Variants in ACY3 observed in about 807,000 individuals in gnomAD.
ACY3 encodes the protein N-acyl-aromatic-L-amino acid amidohydrolase (carboxylate-forming).
Under a neutral mutation model 24.6 loss-of-function variants are expected in ACY3, and 20 were observed. That is an observed-to-expected ratio of 0.81 (90% CI 0.57 to 1.18). The LOEUF (loss-of-function observed/expected upper bound fraction) is 1.18. ACY3 is among the 50% of genes most tolerant of loss of function. The pLI is 0.00. For synonymous variants in ACY3, 174 were observed against 188.4 expected, an observed-to-expected ratio of 0.92 and a Z score of 0.62; for missense variants, 423 against 426.8, an observed-to-expected ratio of 0.99 and a Z score of 0.08.
chr11:67,645,067 G>T lies in ACY3; in HGVS notation c.612C>A (p.Asp204Glu), dbSNP rs1855485009. The T allele has an allele frequency of 1.2e-6, 2 of 1,613,814 alleles. No individual in the cohort carries two copies. The highest frequency in any genetic ancestry group is 2.7e-5 in the African/African-American group (2 of 74,942). Residue 204 changes from aspartate (D) to glutamate (E), a missense_variant, in exon 6 of 8, where the codon GAC (aspartate) becomes GAA (glutamate). Physicochemically the swap from Asp to Glu is conservative, Grantham distance 45. Transcript: ENST00000255082. ...RMRTLVATVL[D>E]FIELFNQGTA... ...CACCCTGGTTGAAGAGTTCGATGAAGTCCAGAACTGTGGCCACCAGGGTCC... is the reference window on the plus strand; with the variant it reads ...CACCCTGGTTGAAGAGTTCGATGAATTCCAGAACTGTGGCCACCAGGGTCC...
chr11:67,648,695 C>G (rs1300106275), intron 1 of ACY3, among the ~76,000 whole-genome samples: 1 of 152,132 alleles, frequency 6.6e-6, no homozygotes, highest in East Asian at 1.9e-4. Context: ...GGCCAGGACC[C>G]TCTAAGTTAC....
intron 1 of ACY3, among the ~76,000 whole-genome samples, chr11:67,648,476 G>A (rs1855557043): frequency 6.6e-6 from 1 of 152,206 alleles, no homozygotes; most frequent in African/African-American, 2.4e-5. Flanking sequence ...TCAGCTGTCT[G>A]CTGGGAGGAG....
intron 1 of ACY3, among the ~76,000 whole-genome samples, chr11:67,649,493 C>CCCTCAG (rs1855577559): frequency 6.6e-6 from 1 of 152,230 alleles, no homozygotes; most frequent in South Asian, 2.1e-4. Flanking sequence ...GGTCCAGGAA[C>CCCTCAG]CCTCAGAAAC....
chr11:67,645,959 G>T, intron 3 of ACY3, 72 bp from the exon 4 acceptor site: 1 of 1,462,126 alleles, frequency 6.8e-7, no homozygotes. Context: ...AGGGGAAAGG[G>T]GCAGGGGCCC....
chr11:67,646,327 T>G (rs114669795), intron 3 of ACY3, among the ~76,000 whole-genome samples: 1,809 of 152,348 alleles, frequency 0.012, 36 homozygotes, highest in African/African-American at 0.042. Context: ...GTTAGCTGCT[T>G]TGTGTAGCCT....
chr11:67,647,166 A>G, intron 2 of ACY3, 103 bp from the exon 3 acceptor site: 1 of 823,832 alleles, frequency 1.2e-6, no homozygotes, highest in Non-Finnish European at 1.8e-6. Context: ...ACCTGTCAAG[A>G]GGTGTGGACA....
rs372622188 is a variant in ACY3, at chr11:67,647,191, A to G, written c.-20-128T>C. On this transcript the variant is annotated intron_variant, in intron 2 of 7. Coordinates refer to ENST00000255082, the MANE Select transcript of ACY3 (RefSeq NM_080658.2). Reference sequence around the variant, plus strand: ...AGGTGTGGACAGCTGGGAGTGTCTCAGCTGTGTCCCACCTGCACCCCCAGT... The same window carrying G: ...AGGTGTGGACAGCTGGGAGTGTCTCGGCTGTGTCCCACCTGCACCCCCAGT... 802 of 643,808 alleles carry G rather than the reference A, an allele frequency of 1.2e-3. 8 individuals are homozygous for G. The African/African-American group carries it at 0.014, about 11-fold the overall frequency. 39.9% of individuals were successfully genotyped at this position (643,808 alleles called of 1,614,324 possible). A position where few individuals can be genotyped will look rare whatever the true frequency, so the allele number is the denominator to read the frequency against.
intron 5 of ACY3, 62 bp from the exon 6 acceptor site, chr11:67,645,214 C>G: frequency 6.2e-7 from 1 of 1,604,892 alleles, no homozygotes; most frequent in South Asian, 1.1e-5. Flanking sequence ...TGAAGAGGCC[C>G]TGCCCCTTGG....
chr11:67,644,611 C>G, intron 7 of ACY3, 149 bp downstream of exon 7: 1 of 728,950 alleles, frequency 1.4e-6, no homozygotes. Context: ...CCCAGCCTCC[C>G]ATCCTGCTCC....
chr11:67,644,730 C>A (rs1204836920), intron 7 of ACY3, 30 bp downstream of exon 7: 1 of 1,335,508 alleles, frequency 7.5e-7, no homozygotes, highest in Admixed American at 2.7e-5. Context: ...AATCACCCCC[C>A]ACCACACACA....
intron 1 of ACY3, among the ~76,000 whole-genome samples, chr11:67,649,378 G>C (rs937902460): frequency 2.0e-5 from 3 of 152,210 alleles, no homozygotes; most frequent in Non-Finnish European, 4.4e-5. Context: ...AAGGTGCTGG[G>C]CCCCCAAGTT....
intron 1 of ACY3, among the ~76,000 whole-genome samples, chr11:67,650,295 A>T (rs969237799): frequency 2.0e-5 from 3 of 152,178 alleles, no homozygotes; most frequent in African/African-American, 7.2e-5. Context: ...TGCAAGATGC[A>T]ATCAGATCAC....
chr11:67,644,786 C>T lies in ACY3; in HGVS notation c.718G>A (p.Ala240Thr). ...DFPRTEAGHL[A>T]GTVHPQLQDR... ...TGCAGCTGAGGATGCACAGTGCCTG[C>T]CAGGTGCCCGGCCTCGGTGCGGGGG... Residue 240 changes from alanine (A) to threonine (T), a missense_variant, in exon 7 of 8, where the codon GCA becomes ACA. By Grantham distance (58) the Ala-to-Thr change is moderately conservative. Transcript: ENST00000255082. The T allele has an allele frequency of 6.4e-7, 1 of 1,558,558 alleles. No individual in the cohort carries two copies. The highest frequency in any genetic ancestry group is 8.7e-7 in the Non-Finnish European group (1 of 1,151,698).
intron 4 of ACY3, 131 bp from the exon 5 acceptor site, chr11:67,645,511 G>A: frequency 8.1e-7 from 1 of 1,240,966 alleles, no homozygotes; most frequent in South Asian, 1.5e-5. Context: ...CTCTGGCAGG[G>A]TAGGGGAGGG....
At chr11:67,648,537 G>A (rs936607213) in intron 1 of ACY3, among the ~76,000 whole-genome samples, 1 of 152,128 alleles carries the variant, frequency 6.6e-6, no homozygotes, top group Non-Finnish European at 1.5e-5. Context: ...GCTCCGCCAG[G>A]GCCTGCTGGA....
chr11:67,646,703 G>T, intron 3 of ACY3, 105 bp downstream of exon 3: 2 of 1,059,048 alleles, frequency 1.9e-6, no homozygotes, highest in Non-Finnish European at 2.8e-6. Flanking sequence ...CAGAGGGGAA[G>T]CAGGAGTGAA....
chr11:67,649,767 ATGTGTGCG>A (rs994240387), intron 1 of ACY3, among the ~76,000 whole-genome samples: 3 of 127,826 alleles, frequency 2.3e-5, no homozygotes, highest in African/African-American at 9.5e-5. Flanking sequence ...GACAGCATGC[ATGTGTGCG>A]TGTGTACGTG....
chr11:67,645,470 A>C, intron 4 of ACY3, 90 bp from the exon 5 acceptor site: 1 of 1,407,730 alleles, frequency 7.1e-7, no homozygotes, highest in Non-Finnish European at 9.8e-7. Flanking sequence ...AACACAGGGC[A>C]CCACCCTCCT....
intron 3 of ACY3, 64 bp downstream of exon 3, chr11:67,646,744 G>T: frequency 6.7e-7 from 1 of 1,494,348 alleles, no homozygotes; most frequent in Non-Finnish European, 9.2e-7. Flanking sequence ...TGGCGGGAGG[G>T]AAGTTTTGTG....
Sources: allele counts gnomAD v4.1 joint callset (sites outside exome capture counted in the v4.1 genomes callset), GRCh38; gene constraint gnomAD v4.1.1; transcripts MANE v1.5; gene names NCBI Gene and HGNC (gene_info 2026-07-23, HGNC 2026-07-21).